SPON1: variants seen among roughly 807,000 people sequenced by gnomAD.
SPON1 encodes the protein spondin 1.
SPON1 carries 52 observed loss-of-function variants against 111.7 expected under a neutral mutation model. That is an observed-to-expected ratio of 0.47 (90% CI 0.37 to 0.59). The LOEUF is 0.59. SPON1 is among the 20% of genes least tolerant of loss of function. The pLI is 0.00. For missense variants in SPON1, 957 were observed against 1,068.5 expected (o/e 0.90, Z 1.46); for synonymous variants, 410 against 395.8 (o/e 1.04, Z -0.43).
chr11:14,220,419 A>G (rs1554937496), intron 6 of SPON1, among the ~76,000 whole-genome samples: 1 of 152,232 alleles, frequency 6.6e-6, no homozygotes, highest in Non-Finnish European at 1.5e-5. Context: ...TTGACTGATA[A>G]TCACAGCCTT....
chr11:14,030,044 A>G (rs1848546985), intron 2 of SPON1, among the ~76,000 whole-genome samples: 1 of 152,166 alleles, frequency 6.6e-6, no homozygotes, highest in Non-Finnish European at 1.5e-5. Context: ...AAGTGACAAG[A>G]GCTGGTATCT....
At chr11:14,070,056 G>A (rs552940817) in intron 3 of SPON1, among the ~76,000 whole-genome samples, 43 of 152,250 alleles carry the variant, frequency 2.8e-4, no homozygotes, top group Non-Finnish European at 4.7e-4. Flanking sequence ...TGCGGCCATC[G>A]TTCAGTTAGC....
intron 6 of SPON1, among the ~76,000 whole-genome samples, chr11:14,235,094 C>T (rs782705723): frequency 4.6e-5 from 7 of 152,190 alleles, no homozygotes; most frequent in Non-Finnish European, 7.3e-5. Flanking sequence ...AGTGCTGGCA[C>T]GGCTCTATGC....
chr11:14,263,722 T>G (rs1448913391), intron 15 of SPON1, among the ~76,000 whole-genome samples: 3 of 152,028 alleles, frequency 2.0e-5, no homozygotes, highest in African/African-American at 7.2e-5. Flanking sequence ...CTAGAGGAGT[T>G]TGCCACTTAG....
chr11:14,160,683 A>ATATATT (rs1847918347), intron 6 of SPON1, among the ~76,000 whole-genome samples: 4 of 16,696 alleles, frequency 2.4e-4, no homozygotes, highest in African/African-American at 1.8e-3. Flanking sequence ...ATATATTTAT[A>ATATATT]TATATATTTA....
At chr11:14,240,637 A>G (rs1554939578) in intron 6 of SPON1, among the ~76,000 whole-genome samples, 1 of 76,738 alleles carries the variant, frequency 1.3e-5, no homozygotes, top group South Asian at 4.2e-4. Context: ...GTGTGTGTGT[A>G]GTTATATATT....
intron 3 of SPON1, among the ~76,000 whole-genome samples, chr11:14,063,989 G>A (rs542261535): frequency 2.0e-5 from 3 of 152,314 alleles, no homozygotes; most frequent in Admixed American, 2.0e-4. Flanking sequence ...CTAATACAGA[G>A]GAGTTTGTGC....
intron 3 of SPON1, among the ~76,000 whole-genome samples, chr11:14,072,041 T>A (rs1411952086): frequency 6.6e-6 from 1 of 152,144 alleles, no homozygotes; most frequent in Non-Finnish European, 1.5e-5. Flanking sequence ...TGTGTTTGAT[T>A]ATAGAGGTAT....
At chr11:14,137,475 G>GC (rs1847606114) in intron 6 of SPON1, among the ~76,000 whole-genome samples, 2 of 152,230 alleles carry the variant, frequency 1.3e-5, no homozygotes, top group South Asian at 4.2e-4. Context: ...CACCTTTCAG[G>GC]CCCCCTGGGT....
At chr11:14,092,044 G>T (rs2133839032) in intron 5 of SPON1, among the ~76,000 whole-genome samples, 1 of 152,338 alleles carries the variant, frequency 6.6e-6, no homozygotes, top group South Asian at 2.1e-4. Flanking sequence ...GATGAACAGG[G>T]TTCCTCAGTT....
Position 14,265,706 on chromosome 11 carries a change from A to G in SPON1, c.*19A>G, listed in dbSNP as rs782385327. The G allele has an allele frequency of 1.9e-6, 3 of 1,609,748 alleles. No individual in the cohort carries two copies. Among genetic ancestry groups the G allele is most frequent in the Non-Finnish European group, 1.7e-6 (2 of 1,177,860 alleles). ...TTGTTAGCAAGGGTACGAGTTCCCC[A>G]GGGCTGCACTCTAGATTCCAGAGTC... On this transcript the variant is annotated 3_prime_UTR_variant, in exon 16 of 16. Coordinates refer to ENST00000576479, the MANE Select transcript of SPON1 (RefSeq NM_006108.4).
At chr11:14,232,762 A>G (rs1369612886) in intron 6 of SPON1, among the ~76,000 whole-genome samples, 1 of 152,094 alleles carries the variant, frequency 6.6e-6, no homozygotes, top group Non-Finnish European at 1.5e-5. Flanking sequence ...TCTCAACTCC[A>G]CAGCCGACTT....
At chr11:14,173,954 G>A (rs1554932819) in intron 6 of SPON1, among the ~76,000 whole-genome samples, 1 of 152,178 alleles carries the variant, frequency 6.6e-6, no homozygotes, top group African/African-American at 2.4e-5. Flanking sequence ...ACTTGAGGAG[G>A]CAGTCTGCCC....
At chr11:14,163,365 C>T (rs1554931574) in intron 6 of SPON1, among the ~76,000 whole-genome samples, 1 of 152,190 alleles carries the variant, frequency 6.6e-6, no homozygotes. Flanking sequence ...ATGTGTACCA[C>T]ACACTAAGTG....
chr11:14,241,978 G>A (rs1471226021), intron 6 of SPON1, among the ~76,000 whole-genome samples: 8 of 151,998 alleles, frequency 5.3e-5, no homozygotes, highest in African/African-American at 9.7e-5. Context: ...GTGGCTCACC[G>A]CCGCTGCCCT....
intron 2 of SPON1, among the ~76,000 whole-genome samples, chr11:14,008,902 A>G (rs1294811515): frequency 1.3e-5 from 2 of 152,222 alleles, no homozygotes; most frequent in Non-Finnish European, 2.9e-5. Context: ...TGGCCAATCC[A>G]TCACTAAGTC....
intron 2 of SPON1, among the ~76,000 whole-genome samples, chr11:14,020,670 A>G (rs1848475109): frequency 6.6e-6 from 1 of 152,206 alleles, no homozygotes; most frequent in Non-Finnish European, 1.5e-5. Flanking sequence ...GGGGTGATTG[A>G]TCTGATCTGA....
At chr11:14,254,074 T>C (rs1849080872) in intron 7 of SPON1, among the ~76,000 whole-genome samples, 1 of 152,212 alleles carries the variant, frequency 6.6e-6, no homozygotes, top group Admixed American at 6.5e-5. Flanking sequence ...GCTTCCCAGC[T>C]GTGAGCTGAT....
intron 5 of SPON1, among the ~76,000 whole-genome samples, chr11:14,095,409 TA>T (rs1849091985): frequency 4.5e-5 from 2 of 44,314 alleles, no homozygotes; most frequent in Admixed American, 2.7e-4. Flanking sequence ...AGAGACTAGA[TA>T]GATAGATAGA....
Sources: allele counts gnomAD v4.1 joint callset (sites outside exome capture counted in the v4.1 genomes callset), GRCh38; gene constraint gnomAD v4.1.1; transcripts MANE v1.5; gene names NCBI Gene and HGNC (gene_info 2026-07-23, HGNC 2026-07-21).